Variants in ERC2 observed in about 807,000 individuals in gnomAD.
ERC2 encodes the protein ELKS/RAB6-interacting/CAST family member 2, also known as ERC protein 2.
ERC2 carries 42 observed loss-of-function variants against 114.8 expected under a neutral mutation model. That is an observed-to-expected ratio of 0.37 (90% confidence interval 0.29 to 0.47). The LOEUF (loss-of-function observed/expected upper bound fraction) is 0.47. Ranked by LOEUF, ERC2 falls within the 20% of genes least tolerant of loss-of-function variation. ERC2 has a pLI of 0.99. For missense variants in ERC2, 939 were observed against 1,150.7 expected, an observed-to-expected ratio of 0.82 and a Z score of 2.66; for synonymous variants, 454 against 425.5, an observed-to-expected ratio of 1.07 and a Z score of -0.82.
At chr3:55,758,450 C>T (rs1439466367) in intron 14 of ERC2, among the ~76,000 whole-genome samples, 1 of 152,224 alleles carries the variant, frequency 6.6e-6, no homozygotes, top group Non-Finnish European at 1.5e-5. Context: ...ACCACTTCTT[C>T]TCTGACGGGT....
chr3:55,874,823 G>A (rs1231984519), intron 14 of ERC2, among the ~76,000 whole-genome samples: 5 of 152,156 alleles, frequency 3.3e-5, no homozygotes, highest in Non-Finnish European at 5.9e-5. Flanking sequence ...AAGGAGCAAA[G>A]GGAGAAATGA....
At chr3:56,198,536 C>T (rs188063318) in intron 3 of ERC2, among the ~76,000 whole-genome samples, 1 of 152,194 alleles carries the variant, frequency 6.6e-6, no homozygotes, top group Non-Finnish European at 1.5e-5. Flanking sequence ...ACACAGATGT[C>T]CAAACTGATA....
chr3:55,521,101 T>C (rs2052898725), intron 17 of ERC2, among the ~76,000 whole-genome samples: 1 of 152,196 alleles, frequency 6.6e-6, no homozygotes, highest in African/African-American at 2.4e-5. Context: ...GAAGGCGCCC[T>C]TCCCGCCTCA....
chr3:56,118,273 T>C (rs9835630), intron 6 of ERC2, among the ~76,000 whole-genome samples: 8,261 of 152,196 alleles, frequency 0.054, 652 homozygotes, highest in African/African-American at 0.17. Flanking sequence ...GCAGGGTCTA[T>C]AAAATGGGAT....
rs113746541 is a variant in ERC2, at chr3:55,796,889, G to A, written c.2565-61971C>T. On this transcript the variant is annotated intron_variant, in intron 14 of 17. Coordinates refer to ENST00000288221, the MANE Select transcript of ERC2 (RefSeq NM_015576.3). ...TCCGAAACAGTAAACTTCAATAACT[G>A]TTTAAATAAAACAACAACCAAAAGG... 2.8e-3 allele frequency among the ~76,000 whole-genome samples: 430 copies of A among 152,122 alleles called. 1 individual carries two copies. The highest frequency in any genetic ancestry group is 9.8e-3 in the African/African-American group (408 of 41,444).
At chr3:56,288,315 T>C (rs1356407787) in intron 3 of ERC2, among the ~76,000 whole-genome samples, 1 of 152,066 alleles carries the variant, frequency 6.6e-6, no homozygotes, top group Non-Finnish European at 1.5e-5. Flanking sequence ...CCATCACACC[T>C]AAGGTAAAGC....
chr3:55,588,095 T>C lies in ERC2; in HGVS notation c.*40-76819A>G, dbSNP rs79837638. 8.7e-3 allele frequency among the ~76,000 whole-genome samples: 1,322 copies of C among 152,342 alleles called. 7 individuals are homozygous for C. The highest frequency in any genetic ancestry group is 0.027 in the Middle Eastern group (8 of 294). ...AAAAATTGGGTATACATCCCTAGGC[T>C]GAACCCAGAGCCTGCCTCCTTCCTC... On this transcript the variant is annotated intron_variant, in intron 17 of 17. Transcript: ENST00000288221.
intron 17 of ERC2, among the ~76,000 whole-genome samples, chr3:55,573,959 A>C (rs1484956276): frequency 1.3e-5 from 2 of 152,192 alleles, no homozygotes; most frequent in Non-Finnish European, 2.9e-5. Flanking sequence ...TAAATGCAAG[A>C]GGCATTTAAA....
chr3:55,927,682 C>T (rs1379720619), intron 13 of ERC2, among the ~76,000 whole-genome samples: 1 of 152,096 alleles, frequency 6.6e-6, no homozygotes, highest in Admixed American at 6.6e-5. Flanking sequence ...TTATCAAATA[C>T]TAGATCTTAT....
At chr3:56,143,426 G>T (rs1230362730) in intron 5 of ERC2, among the ~76,000 whole-genome samples, 1 of 152,182 alleles carries the variant, frequency 6.6e-6, no homozygotes, top group African/African-American at 2.4e-5. Context: ...GGAGGTAATT[G>T]AATCATGGGG....
intron 4 of ERC2, among the ~76,000 whole-genome samples, chr3:56,163,763 C>T (rs1031329756): frequency 4.6e-5 from 7 of 152,038 alleles, no homozygotes; most frequent in Non-Finnish European, 1.0e-4. Context: ...TGTGTTGTTA[C>T]ATGTGATGTG....
At chr3:56,217,413 T>C (rs1002324293) in intron 3 of ERC2, among the ~76,000 whole-genome samples, 18 of 152,224 alleles carry the variant, frequency 1.2e-4, no homozygotes, top group African/African-American at 4.3e-4. Flanking sequence ...GAATAATACC[T>C]AGGAATCCAA....
chr3:56,115,698 G>A (rs535642839), intron 6 of ERC2, among the ~76,000 whole-genome samples: 1 of 151,936 alleles, frequency 6.6e-6, no homozygotes, highest in Non-Finnish European at 1.5e-5. Context: ...TGTTTCTAAT[G>A]CTCTGACATT....
chr3:55,932,408 T>C (rs1018650012), intron 13 of ERC2, among the ~76,000 whole-genome samples: 3 of 152,228 alleles, frequency 2.0e-5, no homozygotes, highest in African/African-American at 7.2e-5. Context: ...ATTTAATCTT[T>C]ATAACAACCC....
chr3:56,164,281 A>T (rs1381938348), intron 4 of ERC2, among the ~76,000 whole-genome samples: 2 of 151,992 alleles, frequency 1.3e-5, no homozygotes, highest in Admixed American at 1.3e-4. Flanking sequence ...GCTCCTGGCA[A>T]TCACTAATCT....
intron 13 of ERC2, among the ~76,000 whole-genome samples, chr3:55,929,452 T>C (rs1324187013): frequency 1.3e-5 from 2 of 152,234 alleles, no homozygotes; most frequent in South Asian, 2.1e-4. Flanking sequence ...TTTTTTTCTC[T>C]TGACTTTTGA....
intron 7 of ERC2, among the ~76,000 whole-genome samples, chr3:56,031,234 C>T (rs1349281158): frequency 1.3e-5 from 2 of 152,246 alleles, no homozygotes; most frequent in African/African-American, 4.8e-5. Flanking sequence ...ACAACAGGCT[C>T]ATCCCTGTGG....
chr3:55,527,007 C>G (rs749954894), intron 17 of ERC2, among the ~76,000 whole-genome samples: 27 of 152,242 alleles, frequency 1.8e-4, no homozygotes, highest in Non-Finnish European at 3.1e-4. Flanking sequence ...CCTGGCCACC[C>G]CAGTTCTGGC....
chr3:56,015,212 T>C (rs904787499), intron 8 of ERC2, among the ~76,000 whole-genome samples: 1 of 152,198 alleles, frequency 6.6e-6, no homozygotes, highest in African/African-American at 2.4e-5. Context: ...TGCTATATTT[T>C]ATTTTATTTA....
Sources: gnomAD v4.1 joint callset for allele counts (sites outside exome capture counted in the v4.1 genomes callset) on GRCh38, gnomAD v4.1.1 for gene constraint, MANE v1.5 for transcripts, NCBI Gene and HGNC (gene_info 2026-07-23, HGNC 2026-07-21) for gene names.